CHMP7: variants seen among roughly 807,000 people sequenced by gnomAD.
The protein encoded by CHMP7 is charged multivesicular body protein 7.
In CHMP7, 15 loss-of-function variants were observed where a neutral mutation model predicts 53.7. The ratio of observed to expected loss-of-function variants is 0.28; its 90% confidence interval spans 0.19 to 0.43. The LOEUF (loss-of-function observed/expected upper bound fraction) is 0.43, where lower values mean the gene tolerates loss of function less well. CHMP7 is among the 20% of genes least tolerant of loss of function. The pLI is 1.00. For synonymous variants in CHMP7, 261 were observed against 228.0 expected (o/e 1.14, Z -1.30); for missense variants, 527 against 569.4 (o/e 0.93, Z 0.76).
chr8:23,250,678 T>G (rs960139424), intron 3 of CHMP7, among the ~76,000 whole-genome samples: 1 of 149,892 alleles, frequency 6.7e-6, no homozygotes, highest in African/African-American at 2.5e-5. Context: ...ACTGAGCACC[T>G]GGTGACCAAA....
rs4563894 is a variant in CHMP7 at position 23,246,360 on chromosome 8, G to A, written c.-336G>A. 266,134 of 336,074 alleles carry A rather than the reference G, an allele frequency of 0.79. 109,039 individuals carry two copies. Among genetic ancestry groups the A allele is most frequent in the South Asian group, 0.93 (27,284 of 29,452 alleles). The allele number at this position is 336,074 out of a possible 1,614,324, so 20.8% of individuals were successfully genotyped here. On this transcript the variant is annotated 5_prime_UTR_variant, in exon 2 of 11. Transcript: ENST00000397677. ...CACAGGTCAGAAGCCGCTGTACAAC[G>A]CTTTGCCGAACTCCAGAATCTTGAA...
At position 23,260,254 on chromosome 8, in the gene CHMP7, G is replaced by T. The variant is rs201195952; in HGVS notation, c.1231G>T (p.Val411Leu). Residue 411 changes from valine to leucine, a missense_variant, in exon 10 of 11, where the codon GTG becomes TTG. Physicochemically the swap from Val to Leu is conservative, Grantham distance 32. Coordinates refer to ENST00000397677, the MANE Select transcript of CHMP7 (RefSeq NM_152272.5). ...NPRNRHFTNS[V>L]PNPRISDAEL... ...CCGCAATAGGCATTTTACCAACAGC[G>T]TGCCTAACCCTAGGATCTCAGATGC... The T allele has an allele frequency of 1.6e-5, 26 of 1,614,058 alleles. No individual in the cohort carries two copies. Among genetic ancestry groups the T allele is most frequent in the East Asian group, 1.1e-4 (5 of 44,890 alleles).
chr8:23,250,362 G>A (rs766808790), intron 3 of CHMP7, among the ~76,000 whole-genome samples: 1 of 151,954 alleles, frequency 6.6e-6, no homozygotes, highest in Non-Finnish European at 1.5e-5. Flanking sequence ...TGCCCCTCTT[G>A]TCCCTTTGTC....
At chr8:23,253,879 A>C (rs1248491634) in intron 3 of CHMP7, among the ~76,000 whole-genome samples, 2 of 152,188 alleles carry the variant, frequency 1.3e-5, no homozygotes, top group Non-Finnish European at 2.9e-5. Flanking sequence ...CTCTAATCTT[A>C]ACTCTACAAT....
At chr8:23,256,385 C>A in intron 4 of CHMP7, 75 bp from the exon 5 acceptor site, 1 of 987,738 alleles carries the variant, frequency 1.0e-6, no homozygotes, top group Non-Finnish European at 1.6e-6. Context: ...CTCACATGCC[C>A]ACCACCAGCG....
chr8:23,249,248 G>T lies in CHMP7; in HGVS notation c.338G>T (p.Ser113Ile). ...ELQRESDFMA[S>I]VDSSWISWGV... ...CAGCGGGAGTCAGACTTCATGGCCA[G>T]TGTAGACAGCAGCTGGATCTCCTGG... Residue 113 changes from serine (S) to isoleucine (I), a missense_variant, in exon 3 of 11, where the codon AGT becomes ATT. Transcript: ENST00000397677. 6.2e-7 allele frequency: 1 copy of T among 1,609,696 alleles called. No individual in the cohort carries two copies. Among genetic ancestry groups the T allele is most frequent in the Non-Finnish European group, 8.5e-7 (1 of 1,178,070 alleles).
intron 6 of CHMP7, 41 bp downstream of exon 6, chr8:23,258,122 G>T: frequency 1.3e-6 from 2 of 1,574,846 alleles, no homozygotes; most frequent in Non-Finnish European, 1.7e-6. Flanking sequence ...AGTGCCCCAG[G>T]CAGGCCTGGA....
chr8:23,258,133 G>C, intron 6 of CHMP7, 52 bp downstream of exon 6: 1 of 1,521,946 alleles, frequency 6.6e-7, no homozygotes, highest in Non-Finnish European at 9.1e-7. Context: ...CAGGCCTGGA[G>C]CAATGCCCAG....
chr8:23,245,982 T>C (rs545682746), intron 1 of CHMP7: 56 of 152,356 alleles, frequency 3.7e-4, no homozygotes, highest in African/African-American at 1.1e-3. Context: ...ATTTCTGATA[T>C]TGAGTATTTG....
In CHMP7 at chr8:23,246,689, G is replaced by C. The variant is rs1413752156; in HGVS notation, c.-7G>C. ...GTGTTCGCAGCCTTGCCGGGGCTGG[G>C]GTTCCGATGTGGTCCCCGGAGCGGG... On this transcript the variant is annotated 5_prime_UTR_variant, in exon 2 of 11. Transcript: ENST00000397677. 3 of 1,546,186 alleles carry C rather than the reference G, an allele frequency of 1.9e-6. No homozygotes were observed. The highest frequency in any genetic ancestry group is 2.4e-5 in the South Asian group (2 of 83,914).
intron 3 of CHMP7, among the ~76,000 whole-genome samples, chr8:23,252,126 A>ACTAG (rs1203691099): frequency 6.7e-6 from 1 of 149,214 alleles, no homozygotes. Flanking sequence ...TCACCTATGT[A>ACTAG]CTAGCCATTT....
intron 2 of CHMP7, chr8:23,248,237 A>G (rs1801788293): frequency 2.2e-6 from 1 of 454,022 alleles, no homozygotes; most frequent in Non-Finnish European, 4.4e-6. Flanking sequence ...TCCTTACTGT[A>G]TTGGAAGTGG....
chr8:23,254,543 C>T (rs368338550), intron 3 of CHMP7, among the ~76,000 whole-genome samples: 22 of 149,566 alleles, frequency 1.5e-4, no homozygotes, highest in Non-Finnish European at 2.8e-4. Context: ...TACAGGTGCC[C>T]GCCATCACAT....
intron 3 of CHMP7, among the ~76,000 whole-genome samples, chr8:23,250,419 T>C (rs1801874256): frequency 6.6e-6 from 1 of 152,152 alleles, no homozygotes; most frequent in Non-Finnish European, 1.5e-5. Flanking sequence ...ACTCTCAGCC[T>C]GTAAACCCAA....
At position 23,258,231 on chromosome 8, in the gene CHMP7, G is replaced by A. The variant is rs1484014642; in HGVS notation, c.841-99G>A. ...CACAGCTTATTTTACAGATGGGAGG[G>A]AAGAAAGCTGGGACATCCTTAGCGT... On this transcript the variant is annotated intron_variant, in intron 6 of 10. Transcript: ENST00000397677. The A allele has an allele frequency of 7.1e-6, 11 of 1,546,292 alleles. No individual in the cohort carries two copies. In the East Asian group the frequency reaches 9.0e-5, roughly 13 times the overall value.
rs1021488735 is a variant in CHMP7, at chr8:23,260,922, C to T, written c.*323C>T. 2.2e-5 allele frequency: 8 copies of T among 366,764 alleles called. No homozygotes were observed. Among genetic ancestry groups the T allele is most frequent in the African/African-American group, 8.2e-5 (4 of 48,520 alleles). 22.7% of individuals were successfully genotyped at this position (366,764 alleles called of 1,614,324 possible). A position where few individuals can be genotyped will look rare whatever the true frequency, so the allele number is the denominator to read the frequency against. On this transcript the variant is annotated 3_prime_UTR_variant, in exon 11 of 11. Coordinates refer to ENST00000397677, the MANE Select transcript of CHMP7 (RefSeq NM_152272.5). ...TAGATTTGTCTTCACCCACCAGCTT[C>T]GTTCCAGCCCATGAAGGGGAAAGAT...
chr8:23,249,366 T>C lies in CHMP7; in HGVS notation c.456T>C (p.Ala152=). 2 of 1,603,922 alleles carry C rather than the reference T, an allele frequency of 1.2e-6. No homozygotes were observed. The highest frequency in any genetic ancestry group is 4.5e-5 in the East Asian group (2 of 44,622). The change falls in exon 3 of 11, where the codon GCT becomes GCC. Residue 152 remains alanine (A), a synonymous_variant. Transcript: ENST00000397677. ...NKVPAEEVLV[A]VELLKEKAEE... is the part of the protein sequence containing the mutation. ...TTCCAGCTGAGGAGGTCCTTGTCGC[T>C]GTGGAGCTGTTGAAGGTGGGTACTC...
At chr8:23,253,437 C>T (rs1802003362) in intron 3 of CHMP7, among the ~76,000 whole-genome samples, 2 of 152,208 alleles carry the variant, frequency 1.3e-5, no homozygotes, top group South Asian at 4.1e-4. Flanking sequence ...GCGCTGCCAC[C>T]ATGGCCAGCT....
At chr8:23,253,962 A>G (rs1017364936) in intron 3 of CHMP7, among the ~76,000 whole-genome samples, 4 of 152,210 alleles carry the variant, frequency 2.6e-5, no homozygotes, top group Admixed American at 6.5e-5. Context: ...ACCACCCACC[A>G]TCTACAGAAT....
Sources: allele counts gnomAD v4.1 joint callset (sites outside exome capture counted in the v4.1 genomes callset), GRCh38; gene constraint gnomAD v4.1.1; transcripts MANE v1.5; gene names NCBI Gene and HGNC (gene_info 2026-07-23, HGNC 2026-07-21).